Variants in MYO1E observed in about 807,000 individuals in gnomAD.
MYO1E encodes myosin IE.
MYO1E carries 68 observed loss-of-function variants against 151.1 expected under a neutral mutation model. That is an observed-to-expected ratio of 0.45 (90% CI 0.37 to 0.55). MYO1E has a LOEUF of 0.55. Ranked by LOEUF, MYO1E falls within the 20% of genes least tolerant of loss-of-function variation. The pLI, the probability that MYO1E is intolerant of heterozygous loss-of-function variation, is 0.00. For missense variants in MYO1E, 1,363 were observed against 1,389.3 expected (o/e 0.98, Z 0.30); for synonymous variants, 601 against 501.7 (o/e 1.20, Z -2.64).
intron 16 of MYO1E, among the ~76,000 whole-genome samples, chr15:59,197,641 A>G (rs958699754): frequency 6.6e-6 from 1 of 152,184 alleles, no homozygotes; most frequent in Non-Finnish European, 1.5e-5. Context: ...TAAGGCTTGA[A>G]CCCACGCCCA....
chr15:59,275,744 A>G (rs1282394919), intron 1 of MYO1E, among the ~76,000 whole-genome samples: 1 of 152,196 alleles, frequency 6.6e-6, no homozygotes, highest in Admixed American at 6.5e-5. Flanking sequence ...AGGTGGATCA[A>G]TGAAAGCTGG....
At chr15:59,161,026 C>CG (rs1441551830) in intron 24 of MYO1E, 47 bp downstream of exon 24, 6 of 1,610,358 alleles carry the variant, frequency 3.7e-6, no homozygotes, top group Non-Finnish European at 5.1e-6. Flanking sequence ...TCGGGAGACT[C>CG]GGGGGAGCGG....
chr15:59,319,990 A>G (rs538783298), intron 1 of MYO1E, among the ~76,000 whole-genome samples: 1 of 152,322 alleles, frequency 6.6e-6, no homozygotes, highest in Non-Finnish European at 1.5e-5. Flanking sequence ...TCACGATACA[A>G]TATCAGCATA....
chr15:59,238,906 A>G (rs1489499190), intron 4 of MYO1E, among the ~76,000 whole-genome samples: 1 of 150,032 alleles, frequency 6.7e-6, no homozygotes, highest in Non-Finnish European at 1.5e-5. Context: ...ATAATTTTCT[A>G]TTTTTTTTAG....
intron 4 of MYO1E, among the ~76,000 whole-genome samples, chr15:59,248,127 C>CAAAAAAAAAA (rs138467126): frequency 5.6e-5 from 2 of 35,888 alleles, no homozygotes; most frequent in East Asian, 9.8e-4. Context: ...GACTCCGTCT[C>CAAAAAAAAAA]AAAAAAAAAA....
rs1041498058 is a variant in MYO1E at position 59,267,307 on chromosome 15, G to A, written c.147+4999C>T. 2.0e-5 allele frequency among the ~76,000 whole-genome samples: 3 copies of A among 152,110 alleles called. No individual in the cohort carries two copies. The South Asian group carries it at 6.2e-4, about 31-fold the overall frequency. ...CCCAAAGTGCTGGGATTACAGGCAT[G>A]AGCCACTGTGCCCAGCCGGTTAAAA... is the stretch of plus-strand genomic sequence containing the variant. On this transcript the variant is annotated intron_variant, in intron 2 of 27. Coordinates refer to ENST00000288235, the MANE Select transcript of MYO1E (RefSeq NM_004998.4).
At position 59,256,364 on chromosome 15, in the gene MYO1E, G is replaced by A; in HGVS notation, c.252C>T (p.Asn84=). ...EMYQGAAQYE[N]PPHIYALADN... The stretch of plus-strand genomic sequence containing the variant: ...CTGCAAGGGCATAGATATGTGGTGG[G>A]TTTTCATACTGTGCCTAGAAAAGCA... The change falls in exon 4 of 28, where the codon AAC becomes AAT. Residue 84 remains asparagine, a synonymous_variant. Transcript: ENST00000288235. 1 of 1,609,456 alleles carries A rather than the reference G, an allele frequency of 6.2e-7. No individual in the cohort carries two copies. Among genetic ancestry groups the A allele is most frequent in the Non-Finnish European group, 8.5e-7 (1 of 1,176,922 alleles).
chr15:59,136,620 G>A lies in MYO1E; in HGVS notation c.*760C>T. The A allele has an allele frequency of 2.2e-6, 1 of 451,242 alleles. No homozygotes were observed. The highest frequency in any genetic ancestry group is 4.5e-6 in the Non-Finnish European group (1 of 223,760). 28.0% of individuals were successfully genotyped at this position (451,242 alleles called of 1,614,324 possible). A position where few individuals can be genotyped will look rare whatever the true frequency, so the allele number is the denominator to read the frequency against. The stretch of plus-strand genomic sequence containing the variant: ...CCATCTCAAGATTTTTATATATACA[G>A]TATATGATCTGTTTTTATAAATGTA... On this transcript the variant is annotated 3_prime_UTR_variant, in exon 28 of 28. Coordinates refer to ENST00000288235, the MANE Select transcript of MYO1E (RefSeq NM_004998.4).
chr15:59,148,836 C>G (rs761991810), intron 26 of MYO1E, among the ~76,000 whole-genome samples: 16 of 152,244 alleles, frequency 1.1e-4, no homozygotes, highest in Non-Finnish European at 2.1e-4. Flanking sequence ...TTGGATTAAT[C>G]TCTGGAGTAT....
chr15:59,137,431 T>C lies in MYO1E; in HGVS notation c.3276A>G (p.Arg1092=). The C allele has an allele frequency of 6.2e-7, 1 of 1,614,132 alleles. No individual in the cohort carries two copies. Among genetic ancestry groups the C allele is most frequent in the Non-Finnish European group, 8.5e-7 (1 of 1,180,008 alleles). The change falls in exon 28 of 28, where the codon CGA becomes CGG. Residue 1092 remains arginine, a synonymous_variant. Transcript: ENST00000288235. The stretch of plus-strand genomic sequence containing the variant: ...GGAACAGGCCCTGCTTGCCTCGTAG[T>C]CGACCCGTCCACCAGCCAGAAGGAT... ...KEDPSGWWTG[R]LRGKQGLFPN...
intron 1 of MYO1E, among the ~76,000 whole-genome samples, chr15:59,297,737 T>C (rs1313658610): frequency 6.6e-6 from 1 of 151,914 alleles, no homozygotes; most frequent in Non-Finnish European, 1.5e-5. Flanking sequence ...TGCACTACCA[T>C]GCTTGGCTAA....
intron 1 of MYO1E, among the ~76,000 whole-genome samples, chr15:59,341,736 CTTT>C (rs2080766993): frequency 1.3e-5 from 2 of 152,066 alleles, no homozygotes; most frequent in Non-Finnish European, 2.9e-5. Flanking sequence ...ACCACATCTT[CTTT>C]ATGTGATGAA....
intron 19 of MYO1E, among the ~76,000 whole-genome samples, chr15:59,176,081 CAG>C (rs777671528): frequency 2.0e-5 from 3 of 152,214 alleles, no homozygotes; most frequent in South Asian, 4.1e-4. Flanking sequence ...TTTTCCGAGG[CAG>C]AGTCTTGCTC....
chr15:59,351,729 T>C (rs1404698493), intron 1 of MYO1E, among the ~76,000 whole-genome samples: 3 of 112,776 alleles, frequency 2.7e-5, no homozygotes, highest in African/African-American at 7.5e-5. Flanking sequence ...TGTGAAGATA[T>C]ACTCACAGGA....
At chr15:59,228,450 A>G (rs10775169) in intron 6 of MYO1E, among the ~76,000 whole-genome samples, 25,775 of 152,038 alleles carry the variant, frequency 0.17, 3,323 homozygotes, top group East Asian at 0.55. Context: ...AGCCTGGGCC[A>G]GAGAGCGAGA....
At chr15:59,294,197 C>A (rs2080436156) in intron 1 of MYO1E, among the ~76,000 whole-genome samples, 1 of 152,132 alleles carries the variant, frequency 6.6e-6, no homozygotes, top group Non-Finnish European at 1.5e-5. Flanking sequence ...TTATGTTAAC[C>A]AACTAGACAA....
chr15:59,136,934 G>T lies in MYO1E; in HGVS notation c.*446C>A, dbSNP rs1049997070. The stretch of plus-strand genomic sequence containing the variant: ...GGCGGGTCCTCCCTGAAGGAAGGTG[G>T]CAGAGAGGAATGTGTCTATCAGGTA... On this transcript the variant is annotated 3_prime_UTR_variant, in exon 28 of 28. Coordinates refer to ENST00000288235, the MANE Select transcript of MYO1E (RefSeq NM_004998.4). The T allele has an allele frequency of 5.5e-6, 2 of 360,536 alleles. No homozygotes were observed. The highest frequency in any genetic ancestry group is 2.0e-5 in the South Asian group (1 of 49,040). 22.3% of individuals were successfully genotyped at this position (360,536 alleles called of 1,614,324 possible). A position where few individuals can be genotyped will look rare whatever the true frequency, so the allele number is the denominator to read the frequency against.
intron 3 of MYO1E, among the ~76,000 whole-genome samples, chr15:59,259,166 C>G (rs2080211415): frequency 6.6e-6 from 1 of 152,166 alleles, no homozygotes; most frequent in South Asian, 2.1e-4. Flanking sequence ...TGATGTCACT[C>G]TGTCACCATT....
intron 25 of MYO1E, among the ~76,000 whole-genome samples, chr15:59,157,826 C>A (rs1211892424): frequency 1.3e-5 from 2 of 152,218 alleles, no homozygotes; most frequent in Non-Finnish European, 1.5e-5. Context: ...GTAATATCTG[C>A]ATTTTCAAGC....
Sources: allele counts gnomAD v4.1 joint callset (sites outside exome capture counted in the v4.1 genomes callset), GRCh38; gene constraint gnomAD v4.1.1; transcripts MANE v1.5; gene names NCBI Gene and HGNC (gene_info 2026-07-23, HGNC 2026-07-21).